The following ALG14 variants were observed in gnomAD, a reference collection of about 807,000 sequenced individuals.
ALG14 encodes UDP-N-acetylglucosamine transferase subunit ALG14.
Under a neutral mutation model 22.8 loss-of-function variants are expected in ALG14, and 17 were observed. The ratio of observed to expected loss-of-function variants is 0.75; its 90% confidence interval spans 0.51 to 1.12. The LOEUF is 1.12. ALG14 is among the 50% of genes most tolerant of loss of function. The pLI is 0.00. For synonymous variants in ALG14, 89 were observed against 103.7 expected, an observed-to-expected ratio of 0.86 and a Z score of 0.86; for missense variants, 288 against 271.8, an observed-to-expected ratio of 1.06 and a Z score of -0.42.
intron 2 of ALG14, among the ~76,000 whole-genome samples, chr1:95,057,055 CAAAAA>C (rs199574536): frequency 9.9e-6 from 1 of 100,674 alleles, no homozygotes. Context: ...GATTCTGGCT[CAAAAA>C]AAAAAAAAAA....
intron 3 of ALG14, among the ~76,000 whole-genome samples, chr1:95,011,296 AC>A (rs1411910390): frequency 1.3e-5 from 2 of 152,056 alleles, no homozygotes; most frequent in Non-Finnish European, 2.9e-5. Context: ...CATCCCTTCT[AC>A]CATTTAAGAG....
chr1:94,983,337 A>G (rs1453909937), intron 3 of ALG14, 31 bp from the exon 4 acceptor site: 1 of 1,575,086 alleles, frequency 6.3e-7, no homozygotes, highest in South Asian at 1.1e-5. Flanking sequence ...TCAAATGAAA[A>G]TACAGAATAA....
rs531430355 is a variant in ALG14, at chr1:95,048,317, T to C, written c.288+16549A>G. Among the ~76,000 whole-genome samples the C allele has an allele frequency of 3.7e-4, 56 of 152,334 alleles. 3 individuals carry two copies. Among genetic ancestry groups the C allele is most frequent in the South Asian group, 3.1e-3 (15 of 4,832 alleles). On this transcript the variant is annotated intron_variant, in intron 2 of 3. Coordinates refer to ENST00000370205, the MANE Select transcript of ALG14 (RefSeq NM_144988.4). The stretch of plus-strand genomic sequence containing the variant: ...GTTGTTTTATATATGAAAAACTCTA[T>C]ATTTTTTTAAATGCAGGTTAAAAAA...
chr1:95,041,656 G>C (rs555205359), intron 2 of ALG14: 4 of 151,308 alleles, frequency 2.6e-5, no homozygotes, highest in African/African-American at 7.3e-5. Flanking sequence ...AAAAGAAAGG[G>C]AAAAAAGAAC....
intron 2 of ALG14, among the ~76,000 whole-genome samples, chr1:95,032,699 T>A (rs748130046): frequency 2.6e-5 from 4 of 152,138 alleles, no homozygotes; most frequent in Non-Finnish European, 5.9e-5. Flanking sequence ...TGTTTTTCTA[T>A]GATACCTGCT....
In ALG14 at chr1:94,983,955, AG is replaced by A. The variant is rs1234184321; in HGVS notation, c.421-650del. Among the ~76,000 whole-genome samples the A allele has an allele frequency of 5.9e-5, 9 of 152,094 alleles. No homozygotes were observed. In the South Asian group the frequency reaches 1.3e-3, roughly 21 times the overall value. On this transcript the variant is annotated intron_variant, in intron 3 of 3. Coordinates refer to ENST00000370205, the MANE Select transcript of ALG14 (RefSeq NM_144988.4). ...GAGATGGGGTTTCACCATGTTAGCC[AG>A]GATGGTCTCGATCTCCTGACCTCAT...
intron 3 of ALG14, among the ~76,000 whole-genome samples, chr1:95,021,505 C>A (rs1018235806): frequency 6.6e-6 from 1 of 152,154 alleles, no homozygotes; most frequent in African/African-American, 2.4e-5. Context: ...GTGCCCCCTT[C>A]TTTTATTTTT....
chr1:95,032,147 G>T (rs765338756), intron 2 of ALG14, among the ~76,000 whole-genome samples: 3 of 151,562 alleles, frequency 2.0e-5, no homozygotes, highest in Non-Finnish European at 4.4e-5. Context: ...CTCAGTGCTT[G>T]TAAGAGTACT....
intron 2 of ALG14, among the ~76,000 whole-genome samples, chr1:95,052,612 C>A (rs1354365774): frequency 6.6e-6 from 1 of 152,136 alleles, no homozygotes; most frequent in Non-Finnish European, 1.5e-5. Flanking sequence ...AATCCCACCA[C>A]TTTGGGAGGC....
chr1:95,045,820 GAATT>G (rs1423899525), intron 2 of ALG14, among the ~76,000 whole-genome samples: 12 of 147,456 alleles, frequency 8.1e-5, no homozygotes, highest in Admixed American at 2.1e-4. Context: ...CATACTAATA[GAATT>G]AATATACTAA....
intron 3 of ALG14, among the ~76,000 whole-genome samples, chr1:95,013,103 C>A (rs1673411620): frequency 6.8e-6 from 1 of 147,504 alleles, no homozygotes; most frequent in South Asian, 2.1e-4. Flanking sequence ...GCCACAGTGA[C>A]ACTGTCTCAA....
intron 2 of ALG14, among the ~76,000 whole-genome samples, chr1:95,063,342 G>C (rs555721513): frequency 1.3e-5 from 2 of 152,150 alleles, no homozygotes; most frequent in African/African-American, 4.8e-5. Context: ...ATTGCTTTTG[G>C]CATTTTCATC....
chr1:95,053,526 C>A (rs1267915795), intron 2 of ALG14, among the ~76,000 whole-genome samples: 2 of 152,136 alleles, frequency 1.3e-5, no homozygotes, highest in African/African-American at 4.8e-5. Flanking sequence ...ACAATTTTTA[C>A]ATACCTGTCT....
rs1023118110 is a variant in ALG14 at position 94,981,939 on chromosome 1, A to T, written c.*1137T>A. 2.0e-5 allele frequency: 3 copies of T among 152,028 alleles called. No homozygotes were observed. Among genetic ancestry groups the T allele is most frequent in the African/African-American group, 7.2e-5 (3 of 41,392 alleles). 9.4% of individuals were successfully genotyped at this position (152,028 alleles called of 1,614,324 possible). A position where few individuals can be genotyped will look rare whatever the true frequency, so the allele number is the denominator to read the frequency against. On this transcript the variant is annotated 3_prime_UTR_variant, in exon 4 of 4. Transcript: ENST00000370205. ...CACAGCAGAACATTAAACCAAGTGG[A>T]GGCCCTCTTCAGTGCAGAACTCTGT...
intron 3 of ALG14, among the ~76,000 whole-genome samples, chr1:95,017,358 G>T (rs1673533571): frequency 6.7e-6 from 1 of 149,706 alleles, no homozygotes; most frequent in Non-Finnish European, 1.5e-5. Flanking sequence ...ACTGTGCTAG[G>T]AAAAAAAAAT....
Sources: gnomAD v4.1 joint callset for allele counts (sites outside exome capture counted in the v4.1 genomes callset) on GRCh38, gnomAD v4.1.1 for gene constraint, MANE v1.5 for transcripts, NCBI Gene and HGNC (gene_info 2026-07-23, HGNC 2026-07-21) for gene names.